Variants in GLB1L observed in about 807,000 individuals in gnomAD.
GLB1L encodes beta-galactosidase-1-like protein.
GLB1L carries 58 observed loss-of-function variants against 75.7 expected under a neutral mutation model. The ratio of observed to expected loss-of-function variants is 0.77; its 90% CI spans 0.62 to 0.95. GLB1L has a LOEUF of 0.95. Ranked by LOEUF, GLB1L falls within the 40% of genes least tolerant of loss-of-function variation. The pLI, the probability that GLB1L is intolerant of heterozygous loss-of-function variation, is 0.00. For missense variants in GLB1L, 797 were observed against 805.5 expected (o/e 0.99, Z 0.13); for synonymous variants, 296 against 303.0 (o/e 0.98, Z 0.24).
In GLB1L at chr2:219,243,157, G is replaced by A. The variant is rs1951434677; in HGVS notation, c.230C>T (p.Ala77Val). ...TGCGAGCACTTCTTACAACTGTATG[G>A]CGTTGAGGCCGCTCCATCGCATCTT... ...LLKMRWSGLN[A>V]IQFYVPWNYH... is the part of the protein sequence containing the mutation. The change falls in exon 3 of 17, where the codon GCC becomes GTC. Residue 77 changes from alanine to valine, a missense_variant. Physicochemically the swap from Ala to Val is moderately conservative, Grantham distance 64. Transcript: ENST00000295759. 1 of 1,609,314 alleles carries A rather than the reference G, an allele frequency of 6.2e-7. No individual in the cohort carries two copies. Among genetic ancestry groups the A allele is most frequent in the African/African-American group, 1.3e-5 (1 of 74,652 alleles).
Position 219,243,333 on chromosome 2 carries a change from G to T in GLB1L, c.73-19C>A, listed in dbSNP as rs774500291. The T allele has an allele frequency of 5.7e-6, 9 of 1,588,324 alleles. No homozygotes were observed. In the African/African-American group the frequency reaches 9.5e-5, roughly 17 times the overall value. ...TGTCTGCCTATAAAGAGAAAGAGACGCTGCTCAGCAGACGCCTGGAGGGAG... is the reference window on the plus strand; with the variant it reads ...TGTCTGCCTATAAAGAGAAAGAGACTCTGCTCAGCAGACGCCTGGAGGGAG... On this transcript the variant is annotated intron_variant, in intron 2 of 16. Transcript: ENST00000295759.
chr2:219,243,593 T>C lies in GLB1L; in HGVS notation c.-20A>G, dbSNP rs992939508. ...AGCCATGGCGTTTACAGCGCTCCTC[T>C]AGTCTGAGACGGCGGACAGACCGTC... On this transcript the variant is annotated 5_prime_UTR_variant, in exon 2 of 17. Coordinates refer to ENST00000295759, the MANE Select transcript of GLB1L (RefSeq NM_001286423.2). 6.2e-6 allele frequency: 10 copies of C among 1,612,956 alleles called. No individual in the cohort carries two copies. The highest frequency in any genetic ancestry group is 1.7e-5 in the Admixed American group (1 of 60,006).
rs1315315936 is a variant in GLB1L at position 219,236,772 on chromosome 2, T to TTC, written c.*299_*300insGA. 1 of 315,634 alleles carries TTC rather than the reference T, an allele frequency of 3.2e-6. No homozygotes were observed. Among genetic ancestry groups the TTC allele is most frequent in the African/African-American group, 2.3e-5 (1 of 43,654 alleles). The allele number at this position is 315,634 out of a possible 1,614,324, so 19.6% of individuals were successfully genotyped here. On this transcript the variant is annotated 3_prime_UTR_variant, in exon 17 of 17. Coordinates refer to ENST00000295759, the MANE Select transcript of GLB1L (RefSeq NM_001286423.2). ...GGTCCAAGGGTTACTTTTTTTTTTT[T>TTC]TTTTTTTTTTGAGATGGAGTGTCTC... is the stretch of plus-strand genomic sequence containing the variant.
chr2:219,237,738 G>A lies in GLB1L; in HGVS notation c.1474-11C>T. ...TGGCTTCAACAGGCCCTATAGGGAA[G>A]GAAAATGAAAAGTCATCATTCACTA... On this transcript the variant is annotated splice_polypyrimidine_tract_variant and intron_variant, in intron 15 of 16. Transcript: ENST00000295759. 4 of 1,613,310 alleles carry A rather than the reference G, an allele frequency of 2.5e-6. No homozygotes were observed. Among genetic ancestry groups the A allele is most frequent in the Non-Finnish European group, 3.4e-6 (4 of 1,179,400 alleles).
intron 5 of GLB1L, among the ~76,000 whole-genome samples, chr2:219,241,116 C>A (rs911724637): frequency 6.6e-6 from 1 of 151,274 alleles, no homozygotes; most frequent in Non-Finnish European, 1.5e-5. Flanking sequence ...TGCGGCGGCT[C>A]ACACCTGTAA....
Position 219,239,398 on chromosome 2 carries a change from C to T in GLB1L, c.943+13G>A. 1 of 1,589,692 alleles carries T rather than the reference C, an allele frequency of 6.3e-7. No individual in the cohort carries two copies. Among genetic ancestry groups the T allele is most frequent in the Non-Finnish European group, 8.6e-7 (1 of 1,166,776 alleles). On this transcript the variant is annotated intron_variant, in intron 10 of 16. Coordinates refer to ENST00000295759, the MANE Select transcript of GLB1L (RefSeq NM_001286423.2). Reference sequence around the variant, plus strand: ...ACCTCCCTGCTTCTATCCCAGGGACCATCTGGACTCACCATTCCAATATCC... The same window carrying T: ...ACCTCCCTGCTTCTATCCCAGGGACTATCTGGACTCACCATTCCAATATCC...
In GLB1L at chr2:219,237,043, G is replaced by A. The variant is rs1356282946; in HGVS notation, c.*29C>T. ...AGCCTCCCAAAGTGCTGGGATTACAGGCATGAGCCACCATGCCCGGCCTAC... is the reference window on the plus strand; with the variant it reads ...AGCCTCCCAAAGTGCTGGGATTACAAGCATGAGCCACCATGCCCGGCCTAC... On this transcript the variant is annotated 3_prime_UTR_variant, in exon 17 of 17. Transcript: ENST00000295759. 1 of 1,553,498 alleles carries A rather than the reference G, an allele frequency of 6.4e-7. No homozygotes were observed. The highest frequency in any genetic ancestry group is 1.2e-5 in the South Asian group (1 of 85,936).
At chr2:219,239,878 G>T in intron 7 of GLB1L, 42 bp downstream of exon 7, 2 of 1,614,064 alleles carry the variant, frequency 1.2e-6, no homozygotes, top group Non-Finnish European at 1.7e-6. Flanking sequence ...CGTGGAAGAG[G>T]TGTCCTTTCC....
At chr2:219,240,479 C>G (rs770130769) in intron 5 of GLB1L, among the ~76,000 whole-genome samples, 194 bp from the exon 6 acceptor site, 9 of 152,270 alleles carry the variant, frequency 5.9e-5, no homozygotes, top group Non-Finnish European at 1.2e-4. Flanking sequence ...CGTGGCGGCT[C>G]ACGCCTGTAA....
chr2:219,239,866 G>C (rs113157998), intron 7 of GLB1L, 33 bp from the exon 8 acceptor site: 48 of 1,614,128 alleles, frequency 3.0e-5, no homozygotes, highest in African/African-American at 2.4e-4. Context: ...AAAGATAAAT[G>C]TCGTGGAAGA....
intron 5 of GLB1L, among the ~76,000 whole-genome samples, chr2:219,241,280 G>C (rs907570074): frequency 5.3e-5 from 8 of 151,546 alleles, no homozygotes; most frequent in African/African-American, 1.9e-4. Context: ...TCAGGAGGCT[G>C]AGGCAGGAGA....
chr2:219,240,384 C>A lies in GLB1L; in HGVS notation c.452-99G>T. ...GACTCTTGTCAAGAAATTCCCAACC[C>A]TAAGCACCTTGTATATTTGCACGCC... On this transcript the variant is annotated intron_variant, in intron 5 of 16. Transcript: ENST00000295759. 3.2e-6 allele frequency: 3 copies of A among 950,622 alleles called. No individual in the cohort carries two copies. In the South Asian group the frequency reaches 3.9e-5, roughly 12 times the overall value. The allele number at this position is 950,622 out of a possible 1,614,324, so 58.9% of individuals were successfully genotyped here.
At chr2:219,243,052 G>A in intron 3 of GLB1L, 96 bp downstream of exon 3, 1 of 1,545,248 alleles carries the variant, frequency 6.5e-7, no homozygotes, top group South Asian at 1.2e-5. Flanking sequence ...CCTTGGCCTA[G>A]GAGTCCTGGC....
Position 219,243,015 on chromosome 2 carries a change from AG to A in GLB1L, c.240-98del. On this transcript the variant is annotated intron_variant, in intron 3 of 16. Coordinates refer to ENST00000295759, the MANE Select transcript of GLB1L (RefSeq NM_001286423.2). ...AGGGAATCTCCAGGAAGCGGTTGGAAGGAGGTCCTGGCCTGCCCTTTCCCAC... is the reference window on the plus strand; with the variant it reads ...AGGGAATCTCCAGGAAGCGGTTGGAAGAGGTCCTGGCCTGCCCTTTCCCAC... 3 of 1,571,850 alleles carry A rather than the reference AG, an allele frequency of 1.9e-6. No individual in the cohort carries two copies. In the South Asian group the frequency reaches 3.4e-5, roughly 18 times the overall value.
intron 2 of GLB1L, 26 bp downstream of exon 2, chr2:219,243,476 C>T (rs1373523300): frequency 6.2e-7 from 1 of 1,613,534 alleles, no homozygotes; most frequent in African/African-American, 1.3e-5. Context: ...CCGCACCCGG[C>T]AGGCTGGTTC....
intron 1 of GLB1L, among the ~76,000 whole-genome samples, chr2:219,244,109 C>T (rs1012534890): frequency 2.6e-5 from 4 of 152,178 alleles, no homozygotes; most frequent in Non-Finnish European, 5.9e-5. Context: ...TGCCACTGCA[C>T]TCCAGCCTGG....
rs1355857421 is a variant in GLB1L, at chr2:219,238,293, G to A, written c.1298C>T (p.Pro433Leu). The part of the protein sequence containing the change: ...TIFEPTPFWV[P>L]NNGVHDRAYV... ...GGCACGGTCATGGACTCCATTATTTGGCACCCAGAATGGTGTTGGCTCAAA... is the reference window on the plus strand; with the variant it reads ...GGCACGGTCATGGACTCCATTATTTAGCACCCAGAATGGTGTTGGCTCAAA... Residue 433 changes from proline to leucine, a missense_variant, in exon 14 of 17, where the codon CCA (proline) becomes CTA (leucine). Coordinates refer to ENST00000295759, the MANE Select transcript of GLB1L (RefSeq NM_001286423.2). The A allele has an allele frequency of 1.2e-6, 2 of 1,612,560 alleles. No individual in the cohort carries two copies. The highest frequency in any genetic ancestry group is 2.2e-5 in the East Asian group (1 of 44,878).
At chr2:219,244,133 ACT>A (rs554458729) in intron 1 of GLB1L, among the ~76,000 whole-genome samples, 4 of 152,140 alleles carry the variant, frequency 2.6e-5, no homozygotes, top group Admixed American at 6.5e-5. Context: ...ACAGAGCGAG[ACT>A]CTGTCTCAAA....
chr2:219,242,664 G>A, intron 4 of GLB1L, 90 bp from the exon 5 acceptor site: 1 of 1,527,508 alleles, frequency 6.5e-7, no homozygotes, highest in Non-Finnish European at 9.1e-7. Context: ...GGAAGGGAAG[G>A]AATTGAATAT....
Sources: gnomAD v4.1 joint callset for allele counts (sites outside exome capture counted in the v4.1 genomes callset) on GRCh38, gnomAD v4.1.1 for gene constraint, MANE v1.5 for transcripts, NCBI Gene and HGNC (gene_info 2026-07-23, HGNC 2026-07-21) for gene names.